Variants in TNFRSF13B observed in about 807,000 individuals in gnomAD.
TNFRSF13B encodes TNF receptor superfamily member 13B.
Under a neutral mutation model 24.0 loss-of-function variants are expected in TNFRSF13B, and 34 were observed. That is an observed-to-expected ratio of 1.41 (90% confidence interval 1.08 to 1.88). TNFRSF13B has a LOEUF of 1.88. Ranked by LOEUF, TNFRSF13B falls within the 40% of genes most tolerant of loss-of-function variation. The probability of loss-of-function intolerance (pLI) is 0.00; values close to 1 mark genes in which losing one functional copy is unlikely to be tolerated. For missense variants in TNFRSF13B, 415 were observed against 380.8 expected, an observed-to-expected ratio of 1.09 and a Z score of -0.75; for synonymous variants, 173 against 150.3, an observed-to-expected ratio of 1.15 and a Z score of -1.10.
At chr17:16,971,401 GATAAAT>G (rs1224125036) in intron 1 of TNFRSF13B, among the ~76,000 whole-genome samples, 13 of 150,410 alleles carry the variant, frequency 8.6e-5, no homozygotes, top group Non-Finnish European at 1.3e-4. Context: ...AAAGCTATAG[GATAAAT>G]ATAAATATAA....
intron 1 of TNFRSF13B, among the ~76,000 whole-genome samples, chr17:16,964,924 A>G (rs2087689274): frequency 6.6e-6 from 1 of 151,908 alleles, no homozygotes. Context: ...GACACTCTAG[A>G]CTTTCTTTTG....
intron 1 of TNFRSF13B, among the ~76,000 whole-genome samples, chr17:16,963,960 G>A (rs980541783): frequency 1.3e-5 from 2 of 152,204 alleles, no homozygotes; most frequent in African/African-American, 4.8e-5. Flanking sequence ...TGCAGAGATA[G>A]GGTGTGTGCC....
At chr17:16,941,116 T>G in intron 3 of TNFRSF13B, 1 of 669,034 alleles carries the variant, frequency 1.5e-6, no homozygotes, top group Non-Finnish European at 1.9e-6. Flanking sequence ...TTATACTGTA[T>G]TGTTTAGGGA....
intron 1 of TNFRSF13B, among the ~76,000 whole-genome samples, chr17:16,964,117 G>A (rs2087682830): frequency 6.6e-6 from 1 of 152,000 alleles, no homozygotes; most frequent in Admixed American, 6.6e-5. Context: ...AAGAGGAGAA[G>A]AAGGGAAAAA....
In TNFRSF13B at chr17:16,957,858, G is replaced by A. The variant is rs373417545; in HGVS notation, c.62-5275C>T. Among the ~76,000 whole-genome samples, 4 of 152,138 alleles carry A rather than the reference G, an allele frequency of 2.6e-5. No homozygotes were observed. The South Asian group carries it at 6.2e-4, about 24-fold the overall frequency. ...TGCCCTACAAGAAATCCTAAAGTGA[G>A]TCTTTCATGCTGAAATAAAAGTACT... is the stretch of plus-strand genomic sequence containing the variant. On this transcript the variant is annotated intron_variant, in intron 1 of 4. Coordinates refer to ENST00000261652, the MANE Select transcript of TNFRSF13B (RefSeq NM_012452.3).
At chr17:16,953,310 A>G (rs1257260631) in intron 1 of TNFRSF13B, among the ~76,000 whole-genome samples, 11 of 152,216 alleles carry the variant, frequency 7.2e-5, no homozygotes, top group Admixed American at 5.2e-4. Flanking sequence ...AAGAATGTCA[A>G]TTTCCTTCTT....
intron 1 of TNFRSF13B, among the ~76,000 whole-genome samples, chr17:16,965,923 G>A (rs747583801): frequency 6.6e-6 from 1 of 152,032 alleles, no homozygotes. Flanking sequence ...AAGAAAAGAC[G>A]CATAACATAG....
chr17:16,962,770 A>C (rs1458005817), intron 1 of TNFRSF13B, among the ~76,000 whole-genome samples: 1 of 152,096 alleles, frequency 6.6e-6, no homozygotes, highest in Non-Finnish European at 1.5e-5. Context: ...ACAAAACTGC[A>C]GAGGAGTTGA....
intron 1 of TNFRSF13B, among the ~76,000 whole-genome samples, chr17:16,967,779 AAG>A (rs1264247161): frequency 8.2e-4 from 122 of 147,898 alleles, no homozygotes; most frequent in African/African-American, 2.9e-3. Context: ...AAAAGAAAGA[AAG>A]AAAAAAAAAA....
chr17:16,962,879 A>G (rs1468187560), intron 1 of TNFRSF13B, among the ~76,000 whole-genome samples: 1 of 152,208 alleles, frequency 6.6e-6, no homozygotes, highest in Non-Finnish European at 1.5e-5. Flanking sequence ...AGCTGCATGC[A>G]TGCAGATAGT....
chr17:16,971,478 T>A (rs997618032), intron 1 of TNFRSF13B, among the ~76,000 whole-genome samples: 1 of 152,146 alleles, frequency 6.6e-6, no homozygotes, highest in African/African-American at 2.4e-5. Context: ...AAAAGTCTAA[T>A]GTGGGACAGG....
chr17:16,941,522 GA>G, intron 3 of TNFRSF13B: 1 of 987,622 alleles, frequency 1.0e-6, no homozygotes, highest in Non-Finnish European at 1.2e-6. Context: ...GACACGTCAA[GA>G]AGAGCGAGTC....
At chr17:16,956,441 A>G (rs2087625331) in intron 1 of TNFRSF13B, among the ~76,000 whole-genome samples, 1 of 152,202 alleles carries the variant, frequency 6.6e-6, no homozygotes, top group African/African-American at 2.4e-5. Context: ...ACGTCTATAT[A>G]TTGGGATTAC....
rs1378399485 is a variant in TNFRSF13B at position 16,939,287 on chromosome 17, C to CCCTCTCTG, written c.*252_*259dup. Reference sequence around the variant, plus strand: ...TCCCTCTCTGTCTCTCTGCCTCTCTCCCTCTCTGCCTCTCTCCCTCTCTGC... The same window carrying CCCTCTCTG: ...TCCCTCTCTGTCTCTCTGCCTCTCTCCCTCTCTGCCTCTCTGCCTCTCTCCCTCTCTGC... On this transcript the variant is annotated 3_prime_UTR_variant, in exon 5 of 5. Coordinates refer to ENST00000261652, the MANE Select transcript of TNFRSF13B (RefSeq NM_012452.3). 126 of 473,584 alleles carry CCCTCTCTG rather than the reference C, an allele frequency of 2.7e-4. No homozygotes were observed. Among genetic ancestry groups the CCCTCTCTG allele is most frequent in the Non-Finnish European group, 4.2e-4 (114 of 268,704 alleles). 29.3% of individuals were successfully genotyped at this position (473,584 alleles called of 1,614,324 possible). A position where few individuals can be genotyped will look rare whatever the true frequency, so the allele number is the denominator to read the frequency against.
intron 2 of TNFRSF13B, among the ~76,000 whole-genome samples, chr17:16,951,560 G>A (rs573545914): frequency 3.9e-5 from 6 of 152,318 alleles, no homozygotes; most frequent in African/African-American, 7.2e-5. Flanking sequence ...AGTATCTGCA[G>A]GTAAAATTAT....
chr17:16,943,940 G>A (rs982011962), intron 3 of TNFRSF13B, among the ~76,000 whole-genome samples: 2 of 152,156 alleles, frequency 1.3e-5, no homozygotes, highest in Admixed American at 6.5e-5. Context: ...TGGAGTCGTC[G>A]CAGTAGAACC....
intron 3 of TNFRSF13B, among the ~76,000 whole-genome samples, chr17:16,946,692 A>G (rs992783883): frequency 3.3e-5 from 5 of 151,800 alleles, no homozygotes; most frequent in Non-Finnish European, 7.4e-5. Context: ...GGTTCAAACA[A>G]TTCTCCTGCC....
chr17:16,953,229 A>G (rs1275437260), intron 1 of TNFRSF13B, among the ~76,000 whole-genome samples: 1 of 152,242 alleles, frequency 6.6e-6, no homozygotes, highest in Non-Finnish European at 1.5e-5. Flanking sequence ...CTTAGGACAC[A>G]GCACCTGCTC....
chr17:16,961,538 G>A (rs2087662564), intron 1 of TNFRSF13B, among the ~76,000 whole-genome samples: 1 of 152,182 alleles, frequency 6.6e-6, no homozygotes, highest in African/African-American at 2.4e-5. Context: ...AAGTAGAAGA[G>A]GCAAATTCAC....
Sources: allele counts gnomAD v4.1 joint callset (sites outside exome capture counted in the v4.1 genomes callset), GRCh38; gene constraint gnomAD v4.1.1; transcripts MANE v1.5; gene names NCBI Gene and HGNC (gene_info 2026-07-23, HGNC 2026-07-21).